The following AK5 variants were observed in gnomAD, a reference collection of about 807,000 sequenced individuals.
The protein encoded by AK5 is adenylate kinase 5, also known as adenylate kinase isoenzyme 5.
AK5 carries 27 observed loss-of-function variants against 69.5 expected under a neutral mutation model. The observed-to-expected ratio is 0.39, with a 90% confidence interval of 0.29 to 0.54. The LOEUF (loss-of-function observed/expected upper bound fraction) is 0.54. AK5 is among the 20% of genes least tolerant of loss of function. AK5 has a pLI of 0.71. For synonymous variants in AK5, 260 were observed against 244.4 expected (o/e 1.06, Z -0.60); for missense variants, 531 against 700.4 (o/e 0.76, Z 2.73).
intron 10 of AK5, among the ~76,000 whole-genome samples, chr1:77,498,967 T>C (rs1391268383): frequency 1.3e-5 from 2 of 152,250 alleles, no homozygotes; most frequent in African/African-American, 4.8e-5. Flanking sequence ...AATGAGAATG[T>C]GTCTCTGAAG....
At chr1:77,549,422 T>C (rs1228020049) in intron 13 of AK5, among the ~76,000 whole-genome samples, 1 of 152,184 alleles carries the variant, frequency 6.6e-6, no homozygotes, top group Admixed American at 6.5e-5. Flanking sequence ...ATCTATCACC[T>C]CAAGCGTTTG....
At chr1:77,319,835 G>T (rs186389709) in intron 5 of AK5, among the ~76,000 whole-genome samples, 1 of 152,316 alleles carries the variant, frequency 6.6e-6, no homozygotes, top group African/African-American at 2.4e-5. Context: ...CTGACTATAA[G>T]CACATTGCAT....
chr1:77,313,449 C>G (rs1372887699), intron 5 of AK5, among the ~76,000 whole-genome samples: 1 of 152,116 alleles, frequency 6.6e-6, no homozygotes, highest in Non-Finnish European at 1.5e-5. Flanking sequence ...GTTACCAATT[C>G]AAAAGCAGAC....
chr1:77,380,267 C>T (rs963575577), intron 6 of AK5, among the ~76,000 whole-genome samples: 1 of 152,142 alleles, frequency 6.6e-6, no homozygotes, highest in Non-Finnish European at 1.5e-5. Flanking sequence ...GTAATAATAG[C>T]TCACGTTTAT....
chr1:77,366,427 A>G (rs1460372877), intron 6 of AK5, among the ~76,000 whole-genome samples: 2 of 152,208 alleles, frequency 1.3e-5, no homozygotes, highest in Non-Finnish European at 2.9e-5. Flanking sequence ...TTTAATTATA[A>G]TATGGATAAG....
At chr1:77,485,807 A>G (rs1223225221) in intron 9 of AK5, among the ~76,000 whole-genome samples, 1 of 152,192 alleles carries the variant, frequency 6.6e-6, no homozygotes, top group Non-Finnish European at 1.5e-5. Flanking sequence ...AAAATACATT[A>G]CCGGGGTGGG....
At chr1:77,377,165 T>C (rs964237756) in intron 6 of AK5, among the ~76,000 whole-genome samples, 4 of 152,172 alleles carry the variant, frequency 2.6e-5, no homozygotes, top group Non-Finnish European at 5.9e-5. Flanking sequence ...TCATACTCTT[T>C]ATGGAAGCTC....
At chr1:77,472,941 A>G (rs1425428674) in intron 8 of AK5, among the ~76,000 whole-genome samples, 9 of 151,222 alleles carry the variant, frequency 6.0e-5, no homozygotes, top group Admixed American at 5.9e-4. Flanking sequence ...GACCCTCTTG[A>G]CTCTTTCTTA....
At chr1:77,487,495 T>A (rs1655677587) in intron 10 of AK5, among the ~76,000 whole-genome samples, 1 of 152,202 alleles carries the variant, frequency 6.6e-6, no homozygotes, top group Admixed American at 6.5e-5. Context: ...TCTATTTATA[T>A]TCAGAAATAA....
At chr1:77,294,218 C>A (rs1226046208) in intron 3 of AK5, among the ~76,000 whole-genome samples, 2 of 151,958 alleles carry the variant, frequency 1.3e-5, no homozygotes, top group Non-Finnish European at 2.9e-5. Context: ...TATAATGAAT[C>A]GAAAGTAATA....
intron 2 of AK5, among the ~76,000 whole-genome samples, chr1:77,288,084 TTAATC>T (rs1179860767): frequency 7.2e-5 from 11 of 152,348 alleles, no homozygotes; most frequent in South Asian, 4.1e-4. Context: ...ATCTAACACA[TTAATC>T]TAATCTAGGC....
At chr1:77,495,158 T>A (rs754256112) in intron 10 of AK5, among the ~76,000 whole-genome samples, 12 of 152,000 alleles carry the variant, frequency 7.9e-5, no homozygotes, top group Non-Finnish European at 1.2e-4. Context: ...AGGGAAGAAA[T>A]GGAAGAAATC....
chr1:77,327,660 A>G (rs1165259326), intron 5 of AK5, among the ~76,000 whole-genome samples: 1 of 152,168 alleles, frequency 6.6e-6, no homozygotes, highest in African/African-American at 2.4e-5. Context: ...GAAACAGCTG[A>G]TGTATTTTTT....
intron 5 of AK5, among the ~76,000 whole-genome samples, chr1:77,318,023 GAAT>G (rs1384363287): frequency 1.3e-5 from 2 of 152,162 alleles, no homozygotes; most frequent in Non-Finnish European, 2.9e-5. Flanking sequence ...GGTCTGTTGC[GAAT>G]AATAGTGAAG....
At position 77,514,488 on chromosome 1, in the gene AK5, T is replaced by G. The variant is rs72681702; in HGVS notation, c.1148-4076T>G. Among the ~76,000 whole-genome samples the G allele has an allele frequency of 8.3e-3, 1,258 of 152,316 alleles. 21 individuals are homozygous for G. The highest frequency in any genetic ancestry group is 0.051 in the South Asian group (247 of 4,826). On this transcript the variant is annotated intron_variant, in intron 10 of 13. Coordinates refer to ENST00000354567, the MANE Select transcript of AK5 (RefSeq NM_174858.3). ...TATGTCGGTGGCAGTATATGAAAAT[T>G]TATGTTTCTACCAGCAGTTTTTGTG... is the stretch of plus-strand genomic sequence containing the variant.
intron 10 of AK5, among the ~76,000 whole-genome samples, chr1:77,486,922 T>TAA (rs1655642468): frequency 6.6e-6 from 1 of 152,166 alleles, no homozygotes; most frequent in African/African-American, 2.4e-5. Flanking sequence ...ATTAAAAAGG[T>TAA]AAGAGGTTGT....
intron 8 of AK5, among the ~76,000 whole-genome samples, chr1:77,460,235 G>C (rs767907713): frequency 6.6e-6 from 1 of 152,188 alleles, no homozygotes; most frequent in Non-Finnish European, 1.5e-5. Context: ...ATTAAGCAAA[G>C]GTGTAGATAA....
chr1:77,358,835 GA>G (rs1646798225), intron 6 of AK5, among the ~76,000 whole-genome samples: 1 of 147,784 alleles, frequency 6.8e-6, no homozygotes, highest in African/African-American at 2.5e-5. Context: ...AAAGAGGAAA[GA>G]AAAAGCCTAT....
At chr1:77,293,660 T>G in intron 2 of AK5, 133 bp from the exon 3 acceptor site, 1 of 743,248 alleles carries the variant, frequency 1.3e-6, no homozygotes, top group Non-Finnish European at 2.1e-6. Flanking sequence ...GCTGACCACT[T>G]AGGGAGACTT....
Sources: allele counts gnomAD v4.1 joint callset (sites outside exome capture counted in the v4.1 genomes callset), GRCh38; gene constraint gnomAD v4.1.1; transcripts MANE v1.5; gene names NCBI Gene and HGNC (gene_info 2026-07-23, HGNC 2026-07-21).